Variants in NPAS3 observed in about 807,000 individuals in gnomAD.
NPAS3 encodes the protein neuronal PAS domain-containing protein 3.
A neutral mutation model predicts 73.1 loss-of-function variants in NPAS3; 14 were observed. The ratio of observed to expected loss-of-function variants is 0.19; its 90% CI spans 0.13 to 0.30. The LOEUF is 0.30. Ranked by LOEUF, NPAS3 falls within the 10% of genes least tolerant of loss-of-function variation. NPAS3 has a pLI of 1.00. For synonymous variants in NPAS3, 620 were observed against 541.5 expected (o/e 1.14, Z -2.01); for missense variants, 1,096 against 1,250.0 (o/e 0.88, Z 1.86).
chr14:33,595,452 TA>T (rs376941351), intron 5 of NPAS3, among the ~76,000 whole-genome samples: 1 of 152,170 alleles, frequency 6.6e-6, no homozygotes, highest in Non-Finnish European at 1.5e-5. Flanking sequence ...TAAGGGCTTC[TA>T]AAAATACCCT....
chr14:33,704,694 T>C (rs2060610474), intron 6 of NPAS3, among the ~76,000 whole-genome samples: 1 of 152,180 alleles, frequency 6.6e-6, no homozygotes, highest in Non-Finnish European at 1.5e-5. Flanking sequence ...CCAGCAAGTA[T>C]AATAGCAAAC....
chr14:33,250,132 A>T (rs2048529713), intron 3 of NPAS3, among the ~76,000 whole-genome samples: 2 of 152,132 alleles, frequency 1.3e-5, no homozygotes, highest in South Asian at 4.1e-4. Context: ...AGAGTGAAGC[A>T]TTGAAATGTG....
At chr14:33,173,274 C>T (rs1334664556) in intron 2 of NPAS3, among the ~76,000 whole-genome samples, 2 of 152,098 alleles carry the variant, frequency 1.3e-5, no homozygotes, top group East Asian at 3.9e-4. Context: ...AAGTTATGAA[C>T]TCCCAGATAT....
intron 4 of NPAS3, among the ~76,000 whole-genome samples, chr14:33,384,695 A>G (rs575335691): frequency 8.5e-5 from 13 of 152,106 alleles, no homozygotes; most frequent in Admixed American, 5.9e-4. Context: ...GCTCTATCCC[A>G]CTCCAGCCTG....
chr14:33,233,773 G>A (rs916621438), intron 3 of NPAS3, among the ~76,000 whole-genome samples: 3 of 152,042 alleles, frequency 2.0e-5, no homozygotes, highest in South Asian at 2.1e-4. Context: ...CTCAGTATTC[G>A]TACTTGAGGA....
intron 3 of NPAS3, among the ~76,000 whole-genome samples, chr14:33,225,467 C>T (rs1227423274): frequency 3.3e-5 from 5 of 152,138 alleles, no homozygotes; most frequent in South Asian, 4.1e-4. Flanking sequence ...AGTCAGCCAA[C>T]GTTTTCTGTA....
chr14:32,938,500 A>ATT (rs1168801376), upstream of NPAS3, among the ~76,000 whole-genome samples: 6 of 102,200 alleles, frequency 5.9e-5, no homozygotes, highest in African/African-American at 2.6e-4. Context: ...AGAGAGAGAG[A>ATT]GAGAGAGAGA....
chr14:33,278,963 G>C (rs190280090), intron 3 of NPAS3, among the ~76,000 whole-genome samples: 2 of 139,714 alleles, frequency 1.4e-5, no homozygotes, highest in African/African-American at 5.8e-5. Context: ...AGTTAAATGA[G>C]GTCAAACCCA....
At chr14:33,603,711 T>G (rs1426413150) in intron 5 of NPAS3, among the ~76,000 whole-genome samples, 2 of 152,148 alleles carry the variant, frequency 1.3e-5, no homozygotes, top group Non-Finnish European at 2.9e-5. Flanking sequence ...GACATGATAC[T>G]GGATGTAAAT....
chr14:33,093,140 G>A (rs1465355768), intron 2 of NPAS3, among the ~76,000 whole-genome samples: 1 of 152,194 alleles, frequency 6.6e-6, no homozygotes, highest in Non-Finnish European at 1.5e-5. Flanking sequence ...AAACTAAAGA[G>A]CTTCTGCACA....
chr14:33,178,199 C>G (rs967341976), intron 2 of NPAS3, among the ~76,000 whole-genome samples: 3 of 151,614 alleles, frequency 2.0e-5, no homozygotes, highest in Admixed American at 2.0e-4. Context: ...CTCAGCCTCC[C>G]GAGTGGCTGG....
chr14:33,576,499 C>T (rs535489743), intron 5 of NPAS3, among the ~76,000 whole-genome samples: 1 of 152,118 alleles, frequency 6.6e-6, no homozygotes, highest in Non-Finnish European at 1.5e-5. Context: ...AGGGCACAAA[C>T]CTAAATGAAA....
chr14:32,964,439 A>G (rs1051531457), intron 1 of NPAS3, among the ~76,000 whole-genome samples: 2 of 152,186 alleles, frequency 1.3e-5, no homozygotes, highest in African/African-American at 4.8e-5. Flanking sequence ...ATATTTATGC[A>G]AACTGTGCGG....
chr14:33,065,447 T>C (rs955432717), intron 2 of NPAS3, among the ~76,000 whole-genome samples: 2 of 152,150 alleles, frequency 1.3e-5, no homozygotes, highest in African/African-American at 4.8e-5. Context: ...TATTGAGATG[T>C]TTAGGTCCAG....
chr14:33,684,328 A>AGAT lies in NPAS3; in HGVS notation c.733+7948_733+7950dup, dbSNP rs1178231406. Reference sequence around the variant, plus strand: ...TATTTCTTTTCTTTTTATTTTTTTGAGATGATGGAGTCTCGCTCTGTCGCC... The same window carrying AGAT: ...TATTTCTTTTCTTTTTATTTTTTTGAGATGATGATGGAGTCTCGCTCTGTCGCC... On this transcript the variant is annotated intron_variant, in intron 6 of 11. Coordinates refer to ENST00000356141, the Ensembl canonical transcript of NPAS3. Among the ~76,000 whole-genome samples the AGAT allele has an allele frequency of 9.4e-5, 14 of 148,794 alleles. No individual in the cohort carries two copies. In the South Asian group the frequency reaches 2.6e-3, roughly 28 times the overall value.
chr14:33,165,585 C>T (rs1490842736), intron 2 of NPAS3, among the ~76,000 whole-genome samples: 3 of 152,000 alleles, frequency 2.0e-5, no homozygotes, highest in Non-Finnish European at 2.9e-5. Flanking sequence ...GAGGCCTTAT[C>T]AGAGCGTTGG....
At chr14:32,997,209 A>G (rs1183897377) in intron 1 of NPAS3, among the ~76,000 whole-genome samples, 1 of 152,144 alleles carries the variant, frequency 6.6e-6, no homozygotes, top group Non-Finnish European at 1.5e-5. Flanking sequence ...GTATTTACCT[A>G]GTGCCTGTAC....
At chr14:33,583,964 G>A (rs114013463) in intron 5 of NPAS3, among the ~76,000 whole-genome samples, 3,794 of 152,170 alleles carry the variant, frequency 0.025, 160 homozygotes, top group African/African-American at 0.086. Flanking sequence ...AATGAATTTG[G>A]ATGAGGGAAA....
At chr14:33,481,698 T>C (rs1273197318) in intron 4 of NPAS3, among the ~76,000 whole-genome samples, 1 of 151,624 alleles carries the variant, frequency 6.6e-6, no homozygotes, top group Admixed American at 6.6e-5. Context: ...GTGAAGGAAA[T>C]AAACAAAGAA....
Sources: allele counts gnomAD v4.1 joint callset (sites outside exome capture counted in the v4.1 genomes callset), GRCh38; gene constraint gnomAD v4.1.1; transcripts MANE v1.5; gene names NCBI Gene and HGNC (gene_info 2026-07-23, HGNC 2026-07-21).